SORCS2: variants seen among roughly 807,000 people sequenced by gnomAD.
SORCS2 encodes the protein VPS10 domain-containing receptor SorCS2.
In SORCS2, 100 loss-of-function variants were observed where a neutral mutation model predicts 141.6. The ratio of observed to expected loss-of-function variants is 0.71; its 90% confidence interval spans 0.60 to 0.83. The LOEUF is 0.83. Ranked by LOEUF, SORCS2 falls within the 40% of genes least tolerant of loss-of-function variation. The probability of loss-of-function intolerance (pLI) is 0.00; values close to 1 mark genes in which losing one functional copy is unlikely to be tolerated. For synonymous variants in SORCS2, 789 were observed against 676.9 expected, an observed-to-expected ratio of 1.17 and a Z score of -2.57; for missense variants, 1,646 against 1,560.2, an observed-to-expected ratio of 1.05 and a Z score of -0.93.
chr4:7,264,953 G>A (rs148743156), intron 1 of SORCS2, among the ~76,000 whole-genome samples: 212 of 152,302 alleles, frequency 1.4e-3, no homozygotes, highest in African/African-American at 4.4e-3. Flanking sequence ...CATCATTCCC[G>A]CCTGGCCGCT....
Position 7,737,146 on chromosome 4 carries a change from G to T in SORCS2, c.3389G>T (p.Ser1130Ile). The T allele has an allele frequency of 6.4e-7, 1 of 1,551,448 alleles. No individual in the cohort carries two copies. The highest frequency in any genetic ancestry group is 8.7e-7 in the Non-Finnish European group (1 of 1,146,948). Residue 1130 changes from serine to isoleucine, a missense_variant, in exon 26 of 27, where the codon AGT (serine) becomes ATT (isoleucine). Transcript: ENST00000507866. Reference protein sequence around the residue: ...EQEMTSPVSHSEDVQGAVQGN... With the variant: ...EQEMTSPVSHIEDVQGAVQGN... ...GAGATGACCAGCCCTGTGAGTCACA[G>T]TGAGGACGTCCAGGGCGCTGTCCAG...
Position 7,423,020 on chromosome 4 carries a change from T to C in SORCS2, c.548+26665T>C, listed in dbSNP as rs191887840. On this transcript the variant is annotated intron_variant, in intron 2 of 26. Transcript: ENST00000507866. ...CCTACCCCCCACCCCTCTCTCCACTTCTCAGCCTTCACCCCAGCTCATCCC... is the reference window on the plus strand; with the variant it reads ...CCTACCCCCCACCCCTCTCTCCACTCCTCAGCCTTCACCCCAGCTCATCCC... Among the ~76,000 whole-genome samples, 20 of 110,554 alleles carry C rather than the reference T, an allele frequency of 1.8e-4. No individual in the cohort carries two copies. In the East Asian group the frequency reaches 5.8e-3, roughly 32 times the overall value. 72.5% of individuals were successfully genotyped at this position (110,554 alleles called of 152,430 possible). A position where few individuals can be genotyped will look rare whatever the true frequency, so the allele number is the denominator to read the frequency against.
intron 2 of SORCS2, among the ~76,000 whole-genome samples, chr4:7,488,550 C>A (rs1731128287): frequency 6.6e-6 from 1 of 152,212 alleles, no homozygotes. Context: ...ACCACATTTC[C>A]CAGAGCATCC....
At chr4:7,353,513 C>A (rs367804001) in intron 1 of SORCS2, among the ~76,000 whole-genome samples, 5 of 152,176 alleles carry the variant, frequency 3.3e-5, no homozygotes, top group African/African-American at 9.7e-5. Flanking sequence ...AGTCCATGGC[C>A]CAGCATGAGG....
chr4:7,445,336 G>A lies in SORCS2; in HGVS notation c.548+48981G>A, dbSNP rs533992044. 2.0e-5 allele frequency among the ~76,000 whole-genome samples: 3 copies of A among 152,260 alleles called. No individual in the cohort carries two copies. In the East Asian group the frequency reaches 5.8e-4, roughly 29 times the overall value. Reference sequence around the variant, plus strand: ...GTTGGGGACATCCAGAGGGAAAGCCGGGGGAGAGGAGCCAGGGTTGATGGG... The same window carrying A: ...GTTGGGGACATCCAGAGGGAAAGCCAGGGGAGAGGAGCCAGGGTTGATGGG... On this transcript the variant is annotated intron_variant, in intron 2 of 26. Coordinates refer to ENST00000507866, the MANE Select transcript of SORCS2 (RefSeq NM_020777.3).
chr4:7,578,879 T>G (rs1330074307), intron 3 of SORCS2, among the ~76,000 whole-genome samples: 1 of 152,240 alleles, frequency 6.6e-6, no homozygotes, highest in Non-Finnish European at 1.5e-5. Context: ...GTTTGCTGGA[T>G]AGAAGCCCAC....
intron 1 of SORCS2, among the ~76,000 whole-genome samples, chr4:7,273,006 A>G (rs1040213798): frequency 1.3e-5 from 2 of 152,236 alleles, no homozygotes; most frequent in Admixed American, 6.5e-5. Context: ...GAACAGAGCT[A>G]CAGAGCAGGA....
chr4:7,555,862 G>A (rs566974880), intron 3 of SORCS2, among the ~76,000 whole-genome samples: 1 of 152,324 alleles, frequency 6.6e-6, no homozygotes, highest in Non-Finnish European at 1.5e-5. Flanking sequence ...CAGTGTGACA[G>A]CAGGTGGCAG....
chr4:7,668,777 A>G (rs62290710), intron 8 of SORCS2, among the ~76,000 whole-genome samples: 2,107 of 152,312 alleles, frequency 0.014, 27 homozygotes, highest in Middle Eastern at 0.037. Flanking sequence ...GGACCTTTTC[A>G]GCATCTGGGA....
intron 3 of SORCS2, among the ~76,000 whole-genome samples, chr4:7,598,830 G>T (rs1033514136): frequency 2.6e-5 from 4 of 152,218 alleles, no homozygotes; most frequent in Non-Finnish European, 4.4e-5. Flanking sequence ...CAGGGGCTGT[G>T]TTCTCCCCCC....
chr4:7,644,163 G>A (rs530805462), intron 4 of SORCS2, among the ~76,000 whole-genome samples: 2 of 152,196 alleles, frequency 1.3e-5, no homozygotes, highest in African/African-American at 4.8e-5. Flanking sequence ...AAAGCCTGCA[G>A]TGTAGACCCA....
chr4:7,737,258 C>A, intron 26 of SORCS2, 86 bp downstream of exon 26: 1 of 1,520,408 alleles, frequency 6.6e-7, no homozygotes, highest in Admixed American at 2.0e-5. Flanking sequence ...ACAGGCCACC[C>A]CGCTGGGCCG....
intron 1 of SORCS2, among the ~76,000 whole-genome samples, chr4:7,322,160 G>A (rs1035471630): frequency 2.0e-5 from 3 of 152,160 alleles, no homozygotes; most frequent in Non-Finnish European, 2.9e-5. Flanking sequence ...AGAGGGGGCC[G>A]GGATGTGGGC....
chr4:7,637,293 G>A (rs1720321455), intron 3 of SORCS2, among the ~76,000 whole-genome samples: 1 of 145,740 alleles, frequency 6.9e-6, no homozygotes, highest in Non-Finnish European at 1.5e-5. Context: ...CTCCTGCTCA[G>A]TCCCCTACAT....
chr4:7,268,048 G>T (rs573217064), intron 1 of SORCS2, among the ~76,000 whole-genome samples: 1 of 152,324 alleles, frequency 6.6e-6, no homozygotes, highest in Non-Finnish European at 1.5e-5. Flanking sequence ...TTGTGGGTGG[G>T]GTTCTGGTTG....
At chr4:7,704,905 C>T (rs896053229) in intron 14 of SORCS2, among the ~76,000 whole-genome samples, 17 of 152,240 alleles carry the variant, frequency 1.1e-4, no homozygotes, top group Middle Eastern at 3.4e-3. Flanking sequence ...ACAGGCTGGG[C>T]GAGGCCTGTG....
intron 1 of SORCS2, among the ~76,000 whole-genome samples, chr4:7,209,549 C>A (rs1293877515): frequency 6.6e-6 from 1 of 152,212 alleles, no homozygotes; most frequent in Non-Finnish European, 1.5e-5. Flanking sequence ...GGTGCTGAAG[C>A]CTATCCCCTT....
intron 2 of SORCS2, among the ~76,000 whole-genome samples, chr4:7,481,577 C>A (rs1213831631): frequency 2.0e-5 from 3 of 152,072 alleles, no homozygotes; most frequent in African/African-American, 7.2e-5. Context: ...GTAACGTTGA[C>A]CATTGGTGAG....
intron 2 of SORCS2, among the ~76,000 whole-genome samples, chr4:7,481,831 G>A (rs181341157): frequency 1.1e-3 from 171 of 152,202 alleles, no homozygotes; most frequent in African/African-American, 3.9e-3. Flanking sequence ...GAGAACGCTG[G>A]CAACGGCGAC....
Sources: gnomAD v4.1 joint callset for allele counts (sites outside exome capture counted in the v4.1 genomes callset) on GRCh38, gnomAD v4.1.1 for gene constraint, MANE v1.5 for transcripts, NCBI Gene and HGNC (gene_info 2026-07-23, HGNC 2026-07-21) for gene names.